LRRC8B: variants seen among roughly 807,000 people sequenced by gnomAD.
LRRC8B encodes leucine rich repeat containing 8 VRAC subunit B, also known as volume-regulated anion channel subunit LRRC8B.
In LRRC8B, 23 loss-of-function variants were observed where a neutral mutation model predicts 58.8. That is an observed-to-expected ratio of 0.39 (90% CI 0.28 to 0.55). LRRC8B has a LOEUF of 0.55. Among genes scored for constraint, LRRC8B ranks in the 20% least tolerant of loss-of-function variants. LRRC8B has a pLI of 0.62. For missense variants in LRRC8B, 694 were observed against 936.0 expected, an observed-to-expected ratio of 0.74 and a Z score of 3.37; for synonymous variants, 359 against 374.1, an observed-to-expected ratio of 0.96 and a Z score of 0.47.
rs200389747 is a variant in LRRC8B at position 89,537,291 on chromosome 1, A to G, written c.-241+12269A>G. Among the ~76,000 whole-genome samples the G allele has an allele frequency of 1.2e-4, 18 of 152,216 alleles. No homozygotes were observed. The East Asian group carries it at 2.7e-3, about 23-fold the overall frequency. Reference sequence around the variant, plus strand: ...AAGAACAAAATGTGCAAGTAGCTAGAGTGTTTCTCCTGATTATTTTGTGTA... The same window carrying G: ...AAGAACAAAATGTGCAAGTAGCTAGGGTGTTTCTCCTGATTATTTTGTGTA... On this transcript the variant is annotated intron_variant, in intron 1 of 5. Transcript: ENST00000330947.
chr1:89,552,582 G>A (rs1462458364), intron 1 of LRRC8B, among the ~76,000 whole-genome samples: 1 of 152,166 alleles, frequency 6.6e-6, no homozygotes, highest in Admixed American at 6.5e-5. Context: ...GGGAATGACA[G>A]TAACCACAGA....
intron 1 of LRRC8B, among the ~76,000 whole-genome samples, chr1:89,546,660 G>A (rs1262360882): frequency 1.3e-5 from 2 of 152,180 alleles, no homozygotes; most frequent in African/African-American, 4.8e-5. Flanking sequence ...ATTCCTTAGT[G>A]ATATGAAGGT....
chr1:89,544,483 A>G (rs1012101394), intron 1 of LRRC8B, among the ~76,000 whole-genome samples: 4 of 152,194 alleles, frequency 2.6e-5, no homozygotes, highest in Non-Finnish European at 5.9e-5. Flanking sequence ...AGTCATATTA[A>G]TGTCCAAAGT....
intron 5 of LRRC8B, among the ~76,000 whole-genome samples, chr1:89,591,346 G>C (rs1181054430): frequency 2.6e-5 from 4 of 152,144 alleles, no homozygotes; most frequent in Non-Finnish European, 5.9e-5. Flanking sequence ...GTGCAGAAGG[G>C]GTTGCCTTAG....
At chr1:89,539,080 C>T (rs1650757130) in intron 1 of LRRC8B, among the ~76,000 whole-genome samples, 1 of 152,108 alleles carries the variant, frequency 6.6e-6, no homozygotes. Context: ...AAGACTACCT[C>T]CTAGAAACAT....
At chr1:89,525,188 C>T (rs944018550) in intron 1 of LRRC8B, among the ~76,000 whole-genome samples, 166 bp downstream of exon 1, 1 of 152,258 alleles carries the variant, frequency 6.6e-6, no homozygotes, top group Non-Finnish European at 1.5e-5. Flanking sequence ...GGTAGCGCGG[C>T]TGCAGAGACG....
chr1:89,562,891 T>C (rs144205378), intron 1 of LRRC8B, among the ~76,000 whole-genome samples: 1 of 152,298 alleles, frequency 6.6e-6, no homozygotes, highest in East Asian at 1.9e-4. Flanking sequence ...TTCCTCTGGC[T>C]ATCTAGCATG....
chr1:89,535,740 T>C (rs888991961), intron 1 of LRRC8B, among the ~76,000 whole-genome samples: 1 of 152,098 alleles, frequency 6.6e-6, no homozygotes, highest in African/African-American at 2.4e-5. Flanking sequence ...TGACTGACAG[T>C]CATCTGGGTG....
At chr1:89,540,803 G>A (rs1242488435) in intron 1 of LRRC8B, among the ~76,000 whole-genome samples, 1 of 152,186 alleles carries the variant, frequency 6.6e-6, no homozygotes, top group Non-Finnish European at 1.5e-5. Flanking sequence ...GCAGTGGGAT[G>A]AAGTAGAGGA....
chr1:89,584,955 C>T (rs535143417), intron 5 of LRRC8B, among the ~76,000 whole-genome samples, 166 bp downstream of exon 5: 3 of 152,198 alleles, frequency 2.0e-5, no homozygotes, highest in Non-Finnish European at 4.4e-5. Flanking sequence ...ACCTAAATTA[C>T]AAGTCATCGT....
intron 1 of LRRC8B, among the ~76,000 whole-genome samples, chr1:89,563,583 G>C (rs1652838625): frequency 6.6e-6 from 1 of 152,020 alleles, no homozygotes; most frequent in South Asian, 2.1e-4. Context: ...TCACAACTTA[G>C]GTGGAAAACC....
Position 89,593,121 on chromosome 1 carries a change from T to C in LRRC8B, c.*78T>C, listed in dbSNP as rs1174082820. The C allele has an allele frequency of 6.9e-7, 1 of 1,458,688 alleles. No homozygotes were observed. Among genetic ancestry groups the C allele is most frequent in the East Asian group, 2.3e-5 (1 of 43,886 alleles). 90.4% of individuals were successfully genotyped at this position (1,458,688 alleles called of 1,614,324 possible). ...CGGGCGTGGTGGCTCATGCCTATAA[T>C]CCCAGCACTTTGGGAGGCCAAGATG... On this transcript the variant is annotated 3_prime_UTR_variant, in exon 6 of 6. Coordinates refer to ENST00000330947, the MANE Select transcript of LRRC8B (RefSeq NM_001369817.2).
intron 5 of LRRC8B, among the ~76,000 whole-genome samples, 174 bp downstream of exon 5, chr1:89,584,963 C>T (rs554785897): frequency 2.7e-4 from 41 of 152,288 alleles, no homozygotes; most frequent in Non-Finnish European, 4.7e-4. Flanking sequence ...TACAAGTCAT[C>T]GTGGAGATTT....
chr1:89,549,021 A>G (rs1157817297), intron 1 of LRRC8B, among the ~76,000 whole-genome samples: 1 of 152,196 alleles, frequency 6.6e-6, no homozygotes. Context: ...CAGACTTGTG[A>G]TTATTCACTC....
intron 5 of LRRC8B, among the ~76,000 whole-genome samples, chr1:89,591,347 G>T (rs1386061884): frequency 6.6e-6 from 1 of 152,164 alleles, no homozygotes; most frequent in African/African-American, 2.4e-5. Flanking sequence ...TGCAGAAGGG[G>T]TTGCCTTAGA....
intron 1 of LRRC8B, among the ~76,000 whole-genome samples, chr1:89,551,277 C>T (rs561066294): frequency 6.6e-6 from 1 of 152,184 alleles, no homozygotes; most frequent in Non-Finnish European, 1.5e-5. Context: ...TGGAAGAGCA[C>T]CATGTTTGGT....
At chr1:89,532,179 A>G (rs1570550930) in intron 1 of LRRC8B, among the ~76,000 whole-genome samples, 2 of 152,262 alleles carry the variant, frequency 1.3e-5, no homozygotes, top group East Asian at 3.9e-4. Context: ...TAAAGTACCC[A>G]TACCCCCTAC....
At chr1:89,546,233 T>G (rs1218929716) in intron 1 of LRRC8B, among the ~76,000 whole-genome samples, 1 of 152,132 alleles carries the variant, frequency 6.6e-6, no homozygotes, top group Non-Finnish European at 1.5e-5. Flanking sequence ...CTGTGGAGCC[T>G]TGGTGAGTGC....
chr1:89,591,887 G>T (rs1570656314), intron 5 of LRRC8B, among the ~76,000 whole-genome samples: 2 of 152,154 alleles, frequency 1.3e-5, no homozygotes, highest in African/African-American at 2.4e-5. Flanking sequence ...AGTATTATGG[G>T]GGGTAGGGAG....
Sources: gnomAD v4.1 joint callset for allele counts (sites outside exome capture counted in the v4.1 genomes callset) on GRCh38, gnomAD v4.1.1 for gene constraint, MANE v1.5 for transcripts, NCBI Gene and HGNC (gene_info 2026-07-23, HGNC 2026-07-21) for gene names.